Variants in RBPJ observed in about 807,000 individuals in gnomAD.
The protein encoded by RBPJ is recombination signal binding protein for immunoglobulin kappa J region, also known as recombining binding protein suppressor of hairless.
RBPJ carries 9 observed loss-of-function variants against 67.8 expected under a neutral mutation model. That is an observed-to-expected ratio of 0.13 (90% CI 0.08 to 0.23). RBPJ has a LOEUF of 0.23. RBPJ is among the 10% of genes least tolerant of loss of function. The pLI is 1.00. For missense variants in RBPJ, 305 were observed against 595.6 expected (o/e 0.51, Z 5.08); for synonymous variants, 198 against 203.3 (o/e 0.97, Z 0.22).
chr4:26,154,263 G>A, the RBPJ span, among the ~76,000 whole-genome samples: 1 of 152,090 alleles, frequency 6.6e-6, no homozygotes, highest in Non-Finnish European at 1.5e-5. Context: ...TTGGGACTTC[G>A]GGCAAGTTGC....
chr4:26,237,902 G>A (rs554870516), intron 1 of RBPJ, among the ~76,000 whole-genome samples: 1 of 152,208 alleles, frequency 6.6e-6, no homozygotes, highest in South Asian at 2.1e-4. Context: ...GTTTTGAGAT[G>A]AGGTCTCACT....
chr4:26,211,953 T>C (rs11722591), intron 1 of RBPJ, among the ~76,000 whole-genome samples: 82,264 of 151,802 alleles, frequency 0.54, 22,720 homozygotes, highest in East Asian at 0.86. Flanking sequence ...AAGGCAGAGA[T>C]GGGGGTGATG....
chr4:26,201,917 G>A (rs1490731367), intron 1 of RBPJ, among the ~76,000 whole-genome samples: 2 of 152,126 alleles, frequency 1.3e-5, no homozygotes, highest in Admixed American at 6.5e-5. Flanking sequence ...TGATACCCAC[G>A]AGCTACCTGT....
At chr4:26,326,991 C>T (rs1352955469) in intron 1 of RBPJ, among the ~76,000 whole-genome samples, 1 of 152,102 alleles carries the variant, frequency 6.6e-6, no homozygotes, top group African/African-American at 2.4e-5. Flanking sequence ...TTGAGTCACC[C>T]CCAGCTTTTT....
At chr4:26,317,714 G>A (rs140540349), upstream of RBPJ, among the ~76,000 whole-genome samples, 1 of 152,198 alleles carries the variant, frequency 6.6e-6, no homozygotes, top group Admixed American at 6.5e-5. Flanking sequence ...GGAGCCAATA[G>A]GATTTTCCGT....
At chr4:26,420,480 A>C in intron 4 of RBPJ, 71 bp from the exon 5 acceptor site, 3 of 1,034,026 alleles carry the variant, frequency 2.9e-6, no homozygotes, top group Non-Finnish European at 4.0e-6. Context: ...AACCATGGCC[A>C]TTCTGAGTTT....
rs1309299215 is a variant in RBPJ at position 26,434,376 on chromosome 4, C to A, written c.*3369C>A. The A allele has an allele frequency of 6.6e-6, 1 of 152,170 alleles. No individual in the cohort carries two copies. Among genetic ancestry groups the A allele is most frequent in the Non-Finnish European group, 1.5e-5 (1 of 68,030 alleles). The allele number at this position is 152,170 out of a possible 1,614,324, so 9.4% of individuals were successfully genotyped here. On this transcript the variant is annotated 3_prime_UTR_variant, in exon 11 of 11. Coordinates refer to ENST00000355476, the MANE Select transcript of RBPJ (RefSeq NM_015874.6). Reference sequence around the variant, plus strand: ...TAACTAGTCATGCTAACCAGAAAATCCACTGGGGAGGAGGTTCCTTTTGAA... The same window carrying A: ...TAACTAGTCATGCTAACCAGAAAATACACTGGGGAGGAGGTTCCTTTTGAA...
At chr4:26,315,913 G>C (rs956891160), upstream of RBPJ, among the ~76,000 whole-genome samples, 1 of 152,014 alleles carries the variant, frequency 6.6e-6, no homozygotes, top group African/African-American at 2.4e-5. Context: ...GAAAAATATG[G>C]CTTTTTTTGC....
At chr4:26,289,384 C>CAAAAAAAAAAAA (rs60159669) in intron 1 of RBPJ, among the ~76,000 whole-genome samples, 77 of 78,142 alleles carry the variant, frequency 9.9e-4, no homozygotes, top group East Asian at 1.3e-3. Flanking sequence ...GACTTGGTCT[C>CAAAAAAAAAAAA]AAAAAAAAAA....
chr4:26,307,964 C>T (rs1722290406), intron 1 of RBPJ, among the ~76,000 whole-genome samples: 1 of 152,082 alleles, frequency 6.6e-6, no homozygotes, highest in Admixed American at 6.6e-5. Context: ...AACATGGAGT[C>T]TTGAAGATTC....
At position 26,335,683 on chromosome 4, in the gene RBPJ, G is replaced by A. The variant is rs36037672; in HGVS notation, c.20+14635G>A. Among the ~76,000 whole-genome samples, 1,333 of 138,866 alleles carry A rather than the reference G, an allele frequency of 9.6e-3. 15 individuals are homozygous for A. The highest frequency in any genetic ancestry group is 0.034 in the African/African-American group (1,269 of 36,962). 91.1% of individuals were successfully genotyped at this position (138,866 alleles called of 152,430 possible). A position where few individuals can be genotyped will look rare whatever the true frequency, so the allele number is the denominator to read the frequency against. ...CTCCCATGCTGGAGTGCAGTGCTAC[G>A]ATCTCGGCTCACTGCAGCCTCCACC... On this transcript the variant is annotated intron_variant, in intron 1 of 10. Coordinates refer to ENST00000355476, the MANE Select transcript of RBPJ (RefSeq NM_015874.6).
chr4:26,122,471 G>T, the RBPJ span, among the ~76,000 whole-genome samples: 4 of 152,312 alleles, frequency 2.6e-5, no homozygotes, highest in East Asian at 7.7e-4. Flanking sequence ...TTCAAATAGG[G>T]CAGACTCTGG....
chr4:26,429,807 A>G (rs1423851311), intron 8 of RBPJ, 91 bp from the exon 9 acceptor site: 2 of 1,042,824 alleles, frequency 1.9e-6, no homozygotes, highest in Non-Finnish European at 2.8e-6. Context: ...TCTTCTTATT[A>G]ACTCTTGTCT....
chr4:26,361,521 A>C (rs993715303), intron 1 of RBPJ, among the ~76,000 whole-genome samples: 9 of 151,986 alleles, frequency 5.9e-5, no homozygotes, highest in African/African-American at 2.2e-4. Flanking sequence ...ACATGCCTAG[A>C]GTGGAACAGC....
chr4:26,316,813 T>C (rs1722662722), upstream of RBPJ, among the ~76,000 whole-genome samples: 1 of 137,024 alleles, frequency 7.3e-6, no homozygotes, highest in Non-Finnish European at 1.5e-5. Context: ...CATCTACTGG[T>C]CTAACCCAGA....
the RBPJ span, among the ~76,000 whole-genome samples, chr4:26,110,343 G>T: frequency 1.3e-5 from 2 of 152,176 alleles, no homozygotes; most frequent in African/African-American, 4.8e-5. This position sits in a 1 kb window ranked among gnomAD's most constrained non-coding sequence, Gnocchi z 4.5. Context: ...GTGCCCTGTG[G>T]CATGGCGAAT....
intron 1 of RBPJ, among the ~76,000 whole-genome samples, chr4:26,195,826 C>A (rs1374367356): frequency 6.6e-6 from 1 of 152,154 alleles, no homozygotes; most frequent in East Asian, 1.9e-4. Flanking sequence ...GAACTCCTGA[C>A]CTTGTGATCT....
At chr4:26,249,063 G>T in intron 1 of RBPJ, among the ~76,000 whole-genome samples, 1 of 152,162 alleles carries the variant, frequency 6.6e-6, no homozygotes, top group South Asian at 2.1e-4. Flanking sequence ...CTTTTGCCTA[G>T]CACAGTGCCT....
chr4:26,210,058 G>A (rs911923744), intron 1 of RBPJ, among the ~76,000 whole-genome samples: 4 of 152,052 alleles, frequency 2.6e-5, no homozygotes, highest in African/African-American at 7.2e-5. Flanking sequence ...ACAACTATTG[G>A]ATTGATTTTG....
Sources: gnomAD v4.1 joint callset for allele counts (sites outside exome capture counted in the v4.1 genomes callset) on GRCh38, gnomAD v4.1.1 for gene constraint, Gnocchi (gnomAD v3.1) non-coding constraint, MANE v1.5 for transcripts, NCBI Gene and HGNC (gene_info 2026-07-23, HGNC 2026-07-21) for gene names.